TRIM44: variants seen among roughly 807,000 people sequenced by gnomAD.
TRIM44 encodes the protein tripartite motif containing 44, also known as tripartite motif-containing protein 44.
A neutral mutation model predicts 37.4 loss-of-function variants in TRIM44; 13 were observed. The ratio of observed to expected loss-of-function variants is 0.35; its 90% CI spans 0.23 to 0.55. TRIM44 has a LOEUF of 0.55. Ranked by LOEUF, TRIM44 falls within the 20% of genes least tolerant of loss-of-function variation. TRIM44 has a pLI of 0.89. For missense variants in TRIM44, 426 were observed against 437.2 expected (o/e 0.97, Z 0.23); for synonymous variants, 175 against 157.2 (o/e 1.11, Z -0.85).
chr11:35,804,012 C>G (rs1440117162), intron 4 of TRIM44, among the ~76,000 whole-genome samples: 1 of 151,142 alleles, frequency 6.6e-6, no homozygotes, highest in African/African-American at 2.4e-5. Context: ...AAGGTTCTTC[C>G]TCCCTCCCCT....
At chr11:35,752,005 CA>C (rs1852564590) in intron 4 of TRIM44, among the ~76,000 whole-genome samples, 1 of 152,188 alleles carries the variant, frequency 6.6e-6, no homozygotes, top group African/African-American at 2.4e-5. Flanking sequence ...TCCTACATCC[CA>C]TGGCTTTGCT....
Position 35,767,554 on chromosome 11 carries a change from T to A in TRIM44, c.1007+32109T>A, listed in dbSNP as rs1005997788. Among the ~76,000 whole-genome samples, 5 of 151,690 alleles carry A rather than the reference T, an allele frequency of 3.3e-5. No homozygotes were observed. The South Asian group carries it at 1.0e-3, about 32-fold the overall frequency. On this transcript the variant is annotated intron_variant, in intron 4 of 4. Coordinates refer to ENST00000299413, the MANE Select transcript of TRIM44 (RefSeq NM_017583.6). Reference sequence around the variant, plus strand: ...ATGTCTCTGTGCTGTGGTGGGATAATGAGGAAATATTATGAGAATAATGTT... The same window carrying A: ...ATGTCTCTGTGCTGTGGTGGGATAAAGAGGAAATATTATGAGAATAATGTT...
intron 3 of TRIM44, among the ~76,000 whole-genome samples, chr11:35,727,084 G>A (rs538921135): frequency 5.9e-5 from 9 of 152,050 alleles, no homozygotes; most frequent in East Asian, 1.9e-4. Flanking sequence ...CTTGAGCCCC[G>A]GAGGTTGAGG....
chr11:35,767,578 TTC>T (rs1180429381), intron 4 of TRIM44, among the ~76,000 whole-genome samples: 13 of 152,190 alleles, frequency 8.5e-5, no homozygotes, highest in Non-Finnish European at 1.5e-4. Flanking sequence ...GAGAATAATG[TTC>T]TTTCTCTGTG....
intron 1 of TRIM44, among the ~76,000 whole-genome samples, chr11:35,669,822 T>C (rs1458804042): frequency 6.6e-6 from 1 of 151,754 alleles, no homozygotes; most frequent in Non-Finnish European, 1.5e-5. Flanking sequence ...GTTTGTTTTT[T>C]GTTGTTGTTG....
intron 1 of TRIM44, among the ~76,000 whole-genome samples, chr11:35,682,803 C>T (rs769566807): frequency 2.6e-5 from 4 of 152,180 alleles, no homozygotes; most frequent in Non-Finnish European, 4.4e-5. Flanking sequence ...TTCATCCACA[C>T]GAGGCACATC....
chr11:35,749,199 C>G (rs941414104), intron 4 of TRIM44, among the ~76,000 whole-genome samples: 1 of 152,182 alleles, frequency 6.6e-6, no homozygotes. Flanking sequence ...AGAAAACATT[C>G]AAAGTCCCAG....
intron 2 of TRIM44, among the ~76,000 whole-genome samples, chr11:35,693,100 G>C (rs569234824): frequency 9.9e-5 from 15 of 152,210 alleles, no homozygotes; most frequent in African/African-American, 3.6e-4. Context: ...AAAGAAATCA[G>C]AAGTGAGGTA....
At chr11:35,804,770 C>T (rs1853426880) in intron 4 of TRIM44, among the ~76,000 whole-genome samples, 1 of 152,108 alleles carries the variant, frequency 6.6e-6, no homozygotes, top group African/African-American at 2.4e-5. Flanking sequence ...ATTGTATAAC[C>T]AGCAGGAAAG....
chr11:35,777,204 A>G (rs1314475531), intron 4 of TRIM44, among the ~76,000 whole-genome samples: 1 of 152,158 alleles, frequency 6.6e-6, no homozygotes, highest in African/African-American at 2.4e-5. Context: ...CTTTACCATT[A>G]TGTAGTGGCC....
intron 4 of TRIM44, among the ~76,000 whole-genome samples, chr11:35,780,972 G>A (rs1853056878): frequency 6.6e-6 from 1 of 152,000 alleles, no homozygotes; most frequent in South Asian, 2.1e-4. Context: ...AGTGGGAAGA[G>A]CTAGACAAAA....
intron 1 of TRIM44, among the ~76,000 whole-genome samples, chr11:35,684,494 C>A (rs1851552122): frequency 6.6e-6 from 1 of 152,224 alleles, no homozygotes; most frequent in Non-Finnish European, 1.5e-5. Flanking sequence ...CTGTGTGCCA[C>A]ATACTGTGCT....
At chr11:35,786,202 T>C (rs1565027050) in intron 4 of TRIM44, among the ~76,000 whole-genome samples, 1 of 152,248 alleles carries the variant, frequency 6.6e-6, no homozygotes, top group Admixed American at 6.5e-5. Context: ...GGTTTCTCTT[T>C]AGTCTTTAGT....
At chr11:35,766,826 C>T (rs1439736586) in intron 4 of TRIM44, among the ~76,000 whole-genome samples, 1 of 152,202 alleles carries the variant, frequency 6.6e-6, no homozygotes, top group Non-Finnish European at 1.5e-5. Flanking sequence ...ACCAGCCTCC[C>T]TGGATACTTA....
intron 2 of TRIM44, among the ~76,000 whole-genome samples, chr11:35,688,781 A>G (rs1161559059): frequency 2.0e-5 from 3 of 152,180 alleles, no homozygotes. Flanking sequence ...TTTTTTATTC[A>G]ATTGGCCTGG....
intron 4 of TRIM44, among the ~76,000 whole-genome samples, chr11:35,789,210 A>G (rs1399061576): frequency 2.0e-5 from 3 of 152,150 alleles, no homozygotes; most frequent in Non-Finnish European, 2.9e-5. Flanking sequence ...AGGGAAAGTA[A>G]AAGACCTATG....
rs1852328463 is a variant in TRIM44 at position 35,736,586 on chromosome 11, C to G, written c.1007+1141C>G. On this transcript the variant is annotated intron_variant, in intron 4 of 4. Coordinates refer to ENST00000299413, the MANE Select transcript of TRIM44 (RefSeq NM_017583.6). The stretch of plus-strand genomic sequence containing the variant: ...CCCTCCCCATATCCTGAGCCTCTTT[C>G]TTAGCGCCAAATGTTGTCCCACATC... 2.6e-5 allele frequency among the ~76,000 whole-genome samples: 4 copies of G among 152,160 alleles called. No individual in the cohort carries two copies. In the South Asian group the frequency reaches 8.3e-4, roughly 32 times the overall value.
At chr11:35,685,172 T>C in intron 1 of TRIM44, 87 bp from the exon 2 acceptor site, 1 of 1,146,588 alleles carries the variant, frequency 8.7e-7, no homozygotes, top group Non-Finnish European at 1.3e-6. Context: ...AAAATTGCTT[T>C]CTATTTCATT....
intron 2 of TRIM44, among the ~76,000 whole-genome samples, chr11:35,725,066 T>TCTCTCACA: frequency 7.1e-6 from 1 of 141,164 alleles, no homozygotes; most frequent in African/African-American, 2.8e-5. Context: ...ATGCACACAC[T>TCTCTCACA]CACACACACA....
Sources: gnomAD v4.1 joint callset for allele counts (sites outside exome capture counted in the v4.1 genomes callset) on GRCh38, gnomAD v4.1.1 for gene constraint, MANE v1.5 for transcripts, NCBI Gene and HGNC (gene_info 2026-07-23, HGNC 2026-07-21) for gene names.